Variants in TAFA1 observed in about 807,000 individuals in gnomAD.
TAFA1 encodes the protein chemokine-like protein TAFA-1.
A neutral mutation model predicts 18.5 loss-of-function variants in TAFA1; 4 were observed. The observed-to-expected ratio is 0.22, with a 90% CI of 0.11 to 0.49. The LOEUF (loss-of-function observed/expected upper bound fraction) is 0.49. Ranked by LOEUF, TAFA1 falls within the 20% of genes least tolerant of loss-of-function variation. The probability of loss-of-function intolerance (pLI) is 0.98; values close to 1 mark genes in which losing one functional copy is unlikely to be tolerated. For missense variants in TAFA1, 147 were observed against 169.0 expected (o/e 0.87, Z 0.72); for synonymous variants, 56 against 55.2 (o/e 1.01, Z -0.06).
intron 2 of TAFA1, among the ~76,000 whole-genome samples, chr3:68,060,671 G>A (rs1221485310): frequency 6.6e-6 from 1 of 152,140 alleles, no homozygotes; most frequent in Non-Finnish European, 1.5e-5. Flanking sequence ...TGGCCTCCAT[G>A]TCTCTTGGGT....
At chr3:68,088,261 C>T (rs1232523019) in intron 2 of TAFA1, among the ~76,000 whole-genome samples, 1 of 152,136 alleles carries the variant, frequency 6.6e-6, no homozygotes, top group Non-Finnish European at 1.5e-5. Flanking sequence ...TGTCAGACTG[C>T]CTCCACAGCC....
At chr3:68,399,589 A>G (rs2070448548) in intron 2 of TAFA1, among the ~76,000 whole-genome samples, 1 of 152,150 alleles carries the variant, frequency 6.6e-6, no homozygotes, top group African/African-American at 2.4e-5. Flanking sequence ...TTGCAGGACC[A>G]TAATTCATGT....
intron 2 of TAFA1, among the ~76,000 whole-genome samples, chr3:68,362,794 A>T (rs1313216214): frequency 6.6e-6 from 1 of 152,048 alleles, no homozygotes; most frequent in Non-Finnish European, 1.5e-5. Flanking sequence ...CAGGAAAGAG[A>T]TGATACGGTA....
chr3:68,441,963 G>A (rs1435405621), intron 3 of TAFA1, among the ~76,000 whole-genome samples: 1 of 152,098 alleles, frequency 6.6e-6, no homozygotes, highest in African/African-American at 2.4e-5. Flanking sequence ...AGGATAAATG[G>A]CCAGATGTGT....
chr3:68,299,806 C>A (rs1278418954), intron 2 of TAFA1, among the ~76,000 whole-genome samples: 1 of 152,036 alleles, frequency 6.6e-6, no homozygotes, highest in Non-Finnish European at 1.5e-5. Context: ...CAGCTCAGAC[C>A]ACTGCTTCTG....
intron 3 of TAFA1, among the ~76,000 whole-genome samples, chr3:68,490,552 G>A (rs1042116083): frequency 6.6e-6 from 1 of 151,986 alleles, no homozygotes; most frequent in Non-Finnish European, 1.5e-5. Context: ...TAAAAGTTTG[G>A]ATACAGAAGA....
intron 2 of TAFA1, among the ~76,000 whole-genome samples, chr3:68,062,108 G>A (rs2064611004): frequency 6.6e-6 from 1 of 152,136 alleles, no homozygotes; most frequent in African/African-American, 2.4e-5. Flanking sequence ...ACCTCTTAGT[G>A]ACTATCACTT....
At chr3:68,334,290 T>C (rs2068933567) in intron 2 of TAFA1, among the ~76,000 whole-genome samples, 1 of 152,194 alleles carries the variant, frequency 6.6e-6, no homozygotes, top group Admixed American at 6.5e-5. Context: ...TTCTTCAAGA[T>C]AGGAACAGAG....
chr3:68,261,722 C>T (rs1050996324), intron 2 of TAFA1, among the ~76,000 whole-genome samples: 1 of 151,986 alleles, frequency 6.6e-6, no homozygotes, highest in Non-Finnish European at 1.5e-5. Context: ...ACAATGAGAA[C>T]ACATGGATAC....
intron 2 of TAFA1, among the ~76,000 whole-genome samples, chr3:68,317,218 G>A (rs2068618515): frequency 1.3e-5 from 2 of 152,190 alleles, no homozygotes; most frequent in African/African-American, 4.8e-5. Flanking sequence ...TATAGGTCCT[G>A]CCTTTCCGAA....
chr3:68,371,622 A>G (rs1306626878), intron 2 of TAFA1, among the ~76,000 whole-genome samples: 4 of 152,106 alleles, frequency 2.6e-5, no homozygotes, highest in Admixed American at 2.0e-4. Flanking sequence ...TATCCAGTCT[A>G]TCATTGATGG....
intron 2 of TAFA1, among the ~76,000 whole-genome samples, chr3:68,162,781 T>C (rs915000184): frequency 6.6e-6 from 1 of 152,216 alleles, no homozygotes; most frequent in African/African-American, 2.4e-5. Flanking sequence ...AAATATAATA[T>C]ACTCTTGCCT....
At chr3:68,083,622 T>G (rs1001273878) in intron 2 of TAFA1, among the ~76,000 whole-genome samples, 5 of 152,186 alleles carry the variant, frequency 3.3e-5, no homozygotes, top group Non-Finnish European at 7.3e-5. Context: ...CTGACACTAT[T>G]GTGGCTCATG....
chr3:68,078,589 C>T (rs1575604680), intron 2 of TAFA1, among the ~76,000 whole-genome samples: 5 of 151,984 alleles, frequency 3.3e-5, no homozygotes, highest in South Asian at 2.1e-4. Flanking sequence ...TTGTCTTTGG[C>T]TCTGTTTATA....
intron 2 of TAFA1, among the ~76,000 whole-genome samples, chr3:68,215,150 T>C (rs151317369): frequency 6.6e-6 from 1 of 152,196 alleles, no homozygotes; most frequent in East Asian, 1.9e-4. Flanking sequence ...ATAATGTATA[T>C]GCCTAAGAGG....
chr3:68,211,698 C>T (rs1410116814), intron 2 of TAFA1, among the ~76,000 whole-genome samples: 2 of 152,066 alleles, frequency 1.3e-5, no homozygotes, highest in African/African-American at 4.8e-5. Context: ...GTGAAGGCCT[C>T]AGGCTGCTTC....
At chr3:68,466,288 A>G (rs2071883160) in intron 3 of TAFA1, among the ~76,000 whole-genome samples, 1 of 152,190 alleles carries the variant, frequency 6.6e-6, no homozygotes, top group Admixed American at 6.5e-5. Context: ...CCAGAGTATC[A>G]ACAAAAATGA....
chr3:68,445,024 A>T (rs6801600), intron 3 of TAFA1, among the ~76,000 whole-genome samples: 1,921 of 152,076 alleles, frequency 0.013, 35 homozygotes, highest in African/African-American at 0.042. Context: ...TTCAAAAAGA[A>T]TATGGACAGT....
chr3:68,176,932 T>C (rs941983860), intron 2 of TAFA1, among the ~76,000 whole-genome samples: 6 of 152,114 alleles, frequency 3.9e-5, no homozygotes, highest in African/African-American at 1.4e-4. Flanking sequence ...ATTCAGTTGT[T>C]TATGATTCAC....
Sources: gnomAD v4.1 joint callset for allele counts (sites outside exome capture counted in the v4.1 genomes callset) on GRCh38, gnomAD v4.1.1 for gene constraint, MANE v1.5 for transcripts, NCBI Gene and HGNC (gene_info 2026-07-23, HGNC 2026-07-21) for gene names.